Variants in NKAIN2 observed in about 807,000 individuals in gnomAD.
NKAIN2 encodes sodium/potassium-transporting ATPase subunit beta-1-interacting protein 2.
Under a neutral mutation model 32.6 loss-of-function variants are expected in NKAIN2, and 14 were observed. That is an observed-to-expected ratio of 0.43 (90% CI 0.28 to 0.67). The LOEUF (loss-of-function observed/expected upper bound fraction) is 0.67, where lower values mean the gene tolerates loss of function less well. Ranked by LOEUF, NKAIN2 falls within the 30% of genes least tolerant of loss-of-function variation. The pLI, the probability that NKAIN2 is intolerant of heterozygous loss-of-function variation, is 0.17. For missense variants in NKAIN2, 198 were observed against 258.3 expected (o/e 0.77, Z 1.60); for synonymous variants, 80 against 87.2 (o/e 0.92, Z 0.46).
At chr6:124,219,362 C>T (rs979928998) in intron 1 of NKAIN2, among the ~76,000 whole-genome samples, 6 of 151,576 alleles carry the variant, frequency 4.0e-5, no homozygotes, top group Non-Finnish European at 7.4e-5. Flanking sequence ...ACTGCAACCT[C>T]CGCCTCCTGG....
rs573564077 is a variant in NKAIN2 at position 124,608,079 on chromosome 6, A to T, written c.274-50107A>T. 3.3e-5 allele frequency among the ~76,000 whole-genome samples: 5 copies of T among 152,308 alleles called. No individual in the cohort carries two copies. The South Asian group carries it at 1.0e-3, about 32-fold the overall frequency. On this transcript the variant is annotated intron_variant, in intron 3 of 6. Transcript: ENST00000368417. ...CCATCATAAGTTGAAAAGTGTCTGT[A>T]CAAAGATAGATTTATTGATAGATAC...
chr6:124,187,611 G>A lies in NKAIN2; in HGVS notation c.55-95394G>A, dbSNP rs566422867. On this transcript the variant is annotated intron_variant, in intron 1 of 6. Transcript: ENST00000368417. ...TTAACACCATTCTCAACTGAAGTTT[G>A]ATGACTTTTTGATAAACATGCTTAT... Among the ~76,000 whole-genome samples the A allele has an allele frequency of 3.9e-5, 6 of 152,232 alleles. No homozygotes were observed. The East Asian group carries it at 1.2e-3, about 30-fold the overall frequency.
intron 1 of NKAIN2, among the ~76,000 whole-genome samples, chr6:124,140,528 A>G (rs941071407): frequency 1.3e-5 from 2 of 152,084 alleles, no homozygotes; most frequent in African/African-American, 4.8e-5. Context: ...TTACTGTACT[A>G]GTTCCTCCCT....
chr6:124,482,900 C>T (rs1477477950), intron 3 of NKAIN2, among the ~76,000 whole-genome samples: 3 of 152,200 alleles, frequency 2.0e-5, no homozygotes, highest in South Asian at 4.1e-4. Context: ...TTCGGGAGGC[C>T]GAGGCGGGCG....
chr6:124,557,573 C>A (rs1216822581), intron 3 of NKAIN2, among the ~76,000 whole-genome samples: 1 of 152,068 alleles, frequency 6.6e-6, no homozygotes, highest in African/African-American at 2.4e-5. Flanking sequence ...CAATACAGAA[C>A]CTGAAAGGAA....
At chr6:124,662,557 A>G (rs918859580) in intron 4 of NKAIN2, among the ~76,000 whole-genome samples, 3 of 152,224 alleles carry the variant, frequency 2.0e-5, no homozygotes, top group African/African-American at 4.8e-5. Flanking sequence ...GAGGAAAAAA[A>G]TGTAGATAAA....
intron 2 of NKAIN2, among the ~76,000 whole-genome samples, chr6:124,352,164 G>A (rs559446948): frequency 6.6e-6 from 1 of 152,168 alleles, no homozygotes; most frequent in South Asian, 2.1e-4. Context: ...CCAGATGTTA[G>A]GTTCTGTGTT....
chr6:124,427,848 C>T (rs1015965471), intron 3 of NKAIN2, among the ~76,000 whole-genome samples: 1 of 151,998 alleles, frequency 6.6e-6, no homozygotes, highest in African/African-American at 2.4e-5. Context: ...ATAGGTCGTT[C>T]GGGGCTACAA....
chr6:123,970,704 C>A (rs1778298034), intron 1 of NKAIN2, among the ~76,000 whole-genome samples: 1 of 151,766 alleles, frequency 6.6e-6, no homozygotes, highest in African/African-American at 2.4e-5. Flanking sequence ...CACGGTGAAA[C>A]CCCATTTCTA....
intron 2 of NKAIN2, among the ~76,000 whole-genome samples, chr6:124,312,117 C>G (rs1423708088): frequency 6.6e-6 from 1 of 152,156 alleles, no homozygotes; most frequent in Non-Finnish European, 1.5e-5. Context: ...GCATCGCTTT[C>G]TCTTTTTAAC....
intron 1 of NKAIN2, among the ~76,000 whole-genome samples, chr6:123,878,016 C>T (rs780345511): frequency 9.2e-5 from 14 of 152,192 alleles, no homozygotes; most frequent in African/African-American, 1.4e-4. Flanking sequence ...CACCTGAGGC[C>T]GGGAGTTCAA....
At chr6:124,276,289 G>C in intron 1 of NKAIN2, among the ~76,000 whole-genome samples, 1 of 117,012 alleles carries the variant, frequency 8.5e-6, no homozygotes, top group East Asian at 2.3e-4. Flanking sequence ...TCTTCCCCTT[G>C]GTGAACACAC....
chr6:124,357,072 C>T (rs540792938), intron 3 of NKAIN2, among the ~76,000 whole-genome samples: 9 of 152,092 alleles, frequency 5.9e-5, no homozygotes, highest in Non-Finnish European at 1.2e-4. Flanking sequence ...GCATTGAAAC[C>T]ACAGCAAGGG....
intron 3 of NKAIN2, among the ~76,000 whole-genome samples, chr6:124,422,062 T>C (rs1283989914): frequency 6.6e-6 from 1 of 151,928 alleles, no homozygotes; most frequent in African/African-American, 2.4e-5. Flanking sequence ...CAAATGAAAT[T>C]GCTTATAGAA....
chr6:124,011,603 A>G (rs1780331311), intron 1 of NKAIN2, among the ~76,000 whole-genome samples: 1 of 152,196 alleles, frequency 6.6e-6, no homozygotes, highest in East Asian at 1.9e-4. Flanking sequence ...TTCATCTTTT[A>G]TCCATCACTC....
At position 124,658,638 on chromosome 6, in the gene NKAIN2, C is replaced by T; in HGVS notation, c.474+252C>T. Reference sequence around the variant, plus strand: ...ATTTTACATAGGAAATCCAATCAGTCAAGATGTGATTACGTGACTTTTGGT... The same window carrying T: ...ATTTTACATAGGAAATCCAATCAGTTAAGATGTGATTACGTGACTTTTGGT... On this transcript the variant is annotated intron_variant, in intron 4 of 6. Transcript: ENST00000368417. 1.4e-5 allele frequency: 12 copies of T among 882,966 alleles called. No individual in the cohort carries two copies. In the South Asian group the frequency reaches 2.4e-4, roughly 18 times the overall value. The allele number at this position is 882,966 out of a possible 1,614,324, so 54.7% of individuals were successfully genotyped here.
intron 1 of NKAIN2, among the ~76,000 whole-genome samples, chr6:123,824,556 GGAGTAGTTTACAGTTTA>G (rs1290393793): frequency 2.0e-5 from 3 of 151,818 alleles, no homozygotes; most frequent in African/African-American, 7.3e-5. Flanking sequence ...ATAGAAAGTT[GGAGTAGTTTACAGTTTA>G]AAAATTACTA....
intron 1 of NKAIN2, among the ~76,000 whole-genome samples, chr6:124,067,643 A>C (rs1783251580): frequency 6.6e-6 from 1 of 152,202 alleles, no homozygotes; most frequent in African/African-American, 2.4e-5. Context: ...GCAAGGCCTT[A>C]GGTTGTATTC....
intron 3 of NKAIN2, among the ~76,000 whole-genome samples, chr6:124,528,361 T>A (rs888924865): frequency 6.6e-6 from 1 of 152,250 alleles, no homozygotes; most frequent in Non-Finnish European, 1.5e-5. Flanking sequence ...TTTCTGTTTT[T>A]ATTAACCAGT....
Sources: gnomAD v4.1 joint callset for allele counts (sites outside exome capture counted in the v4.1 genomes callset) on GRCh38, gnomAD v4.1.1 for gene constraint, MANE v1.5 for transcripts, NCBI Gene and HGNC (gene_info 2026-07-23, HGNC 2026-07-21) for gene names.